Variants in CTNNA3 observed in about 807,000 individuals in gnomAD.
CTNNA3 encodes catenin alpha-3.
Under a neutral mutation model 95.7 loss-of-function variants are expected in CTNNA3, and 76 were observed. The observed-to-expected ratio is 0.79, with a 90% CI of 0.66 to 0.96. CTNNA3 has a LOEUF of 0.96. CTNNA3 is among the 40% of genes least tolerant of loss of function. The pLI is 0.00. For missense variants in CTNNA3, 1,191 were observed against 1,089.8 expected (o/e 1.09, Z -1.31); for synonymous variants, 431 against 374.4 (o/e 1.15, Z -1.74).
At chr10:67,001,105 A>C (rs2060842445) in intron 7 of CTNNA3, among the ~76,000 whole-genome samples, 1 of 151,906 alleles carries the variant, frequency 6.6e-6, no homozygotes, top group Non-Finnish European at 1.5e-5. Flanking sequence ...GATCGAGACC[A>C]TCCTGGCCAA....
chr10:67,129,169 G>A (rs1237366887), intron 7 of CTNNA3, among the ~76,000 whole-genome samples: 1 of 152,156 alleles, frequency 6.6e-6, no homozygotes, highest in Non-Finnish European at 1.5e-5. Context: ...CATAGCACTT[G>A]CCTCTGTACT....
At chr10:66,469,174 G>T (rs1410252446) in intron 11 of CTNNA3, among the ~76,000 whole-genome samples, 1 of 151,792 alleles carries the variant, frequency 6.6e-6, no homozygotes, top group African/African-American at 2.4e-5. Flanking sequence ...ACCTTTTGGG[G>T]CTCACATATT....
chr10:67,558,415 C>G (rs920463762), intron 3 of CTNNA3, among the ~76,000 whole-genome samples: 1 of 152,186 alleles, frequency 6.6e-6, no homozygotes. Flanking sequence ...AATATCAATT[C>G]TATTCTTCAC....
chr10:66,629,013 G>A (rs1238246775), intron 9 of CTNNA3, among the ~76,000 whole-genome samples: 1 of 152,034 alleles, frequency 6.6e-6, no homozygotes, highest in Non-Finnish European at 1.5e-5. Flanking sequence ...AGAAACATGA[G>A]GTTACTCCTT....
Position 66,282,388 on chromosome 10 carries a change from T to C in CTNNA3, c.1733-1767A>G, listed in dbSNP as rs1338692924. On this transcript the variant is annotated intron_variant, in intron 12 of 17. Transcript: ENST00000433211. ...ATCTTTTATAACATCTCAAACATAT[T>C]CTATCTAAATCTAAATACATTTCTT... is the stretch of plus-strand genomic sequence containing the variant. Among the ~76,000 whole-genome samples the C allele has an allele frequency of 2.0e-5, 3 of 151,798 alleles. No homozygotes were observed. In the South Asian group the frequency reaches 6.2e-4, roughly 31 times the overall value.
At chr10:67,727,130 AAT>A (rs1394742724) in intron 1 of CTNNA3, among the ~76,000 whole-genome samples, 6 of 122,148 alleles carry the variant, frequency 4.9e-5, no homozygotes, top group African/African-American at 1.3e-4. Flanking sequence ...ATAATTATAT[AAT>A]ATATGATACA....
At chr10:67,479,668 C>T (rs1039202108) in intron 5 of CTNNA3, among the ~76,000 whole-genome samples, 2 of 151,936 alleles carry the variant, frequency 1.3e-5, no homozygotes, top group Non-Finnish European at 2.9e-5. Context: ...TAACATGACA[C>T]CTAGAGGAAC....
At chr10:67,337,597 A>C (rs1324057014) in intron 5 of CTNNA3, among the ~76,000 whole-genome samples, 3 of 152,224 alleles carry the variant, frequency 2.0e-5, no homozygotes, top group African/African-American at 7.2e-5. Context: ...GCTATCAAAC[A>C]ACATCACATG....
intron 6 of CTNNA3, among the ~76,000 whole-genome samples, chr10:67,184,993 A>G (rs78983051): frequency 0.092 from 14,065 of 152,264 alleles, 746 homozygotes; most frequent in Non-Finnish European, 0.12. Context: ...ATTCTTCATG[A>G]ACTTTTTGAA....
intron 7 of CTNNA3, among the ~76,000 whole-genome samples, chr10:67,120,298 T>C (rs982949597): frequency 6.6e-6 from 1 of 151,942 alleles, no homozygotes; most frequent in African/African-American, 2.4e-5. Context: ...AATTATCACT[T>C]TATACTACGA....
intron 7 of CTNNA3, among the ~76,000 whole-genome samples, chr10:66,943,570 G>T (rs1056200459): frequency 4.0e-5 from 6 of 150,046 alleles, no homozygotes; most frequent in Non-Finnish European, 8.9e-5. Flanking sequence ...ACTAAGCACA[G>T]CCTTAAGAAA....
At chr10:67,338,499 C>T (rs889963547) in intron 5 of CTNNA3, among the ~76,000 whole-genome samples, 2 of 152,056 alleles carry the variant, frequency 1.3e-5, no homozygotes, top group African/African-American at 4.8e-5. Context: ...CAAACATCCA[C>T]ACCATATCAG....
intron 9 of CTNNA3, among the ~76,000 whole-genome samples, chr10:66,688,984 C>T (rs991805218): frequency 6.6e-6 from 1 of 150,624 alleles, no homozygotes; most frequent in Admixed American, 6.6e-5. Context: ...AAAAAAAGAG[C>T]AGGGACCAAA....
intron 7 of CTNNA3, among the ~76,000 whole-genome samples, chr10:67,032,494 T>C (rs1853791303): frequency 6.6e-6 from 1 of 152,210 alleles, no homozygotes; most frequent in Non-Finnish European, 1.5e-5. Context: ...GTGGAGGTCC[T>C]GCTATAGTTA....
intron 13 of CTNNA3, among the ~76,000 whole-genome samples, chr10:66,162,198 T>C (rs2084889236): frequency 6.6e-6 from 1 of 152,166 alleles, no homozygotes; most frequent in South Asian, 2.1e-4. Context: ...GAATTCTTTT[T>C]CAAGTAAATC....
At chr10:67,150,558 A>T (rs1861043680) in intron 7 of CTNNA3, among the ~76,000 whole-genome samples, 1 of 152,220 alleles carries the variant, frequency 6.6e-6, no homozygotes, top group African/African-American at 2.4e-5. Flanking sequence ...TAATCCAATT[A>T]TAATGCCATT....
intron 5 of CTNNA3, among the ~76,000 whole-genome samples, chr10:67,342,133 A>T (rs1330182263): frequency 9.4e-6 from 1 of 106,238 alleles, no homozygotes; most frequent in African/African-American, 3.6e-5. Flanking sequence ...ACAGAGTCTC[A>T]CTCTGTCGCC....
intron 1 of CTNNA3, among the ~76,000 whole-genome samples, chr10:67,746,209 C>T (rs937171501): frequency 2.0e-5 from 3 of 152,134 alleles, no homozygotes; most frequent in Non-Finnish European, 4.4e-5. Flanking sequence ...CAGCATGGTC[C>T]TAGCATAAAC....
intron 1 of CTNNA3, among the ~76,000 whole-genome samples, chr10:67,751,654 A>C (rs920235647): frequency 1.3e-5 from 2 of 152,214 alleles, no homozygotes; most frequent in African/African-American, 4.8e-5. Flanking sequence ...ACCCCACAGA[A>C]ATACAACCAA....
Sources: allele counts gnomAD v4.1 joint callset (sites outside exome capture counted in the v4.1 genomes callset), GRCh38; gene constraint gnomAD v4.1.1; transcripts MANE v1.5; gene names NCBI Gene and HGNC (gene_info 2026-07-23, HGNC 2026-07-21).